Variants in GALNT13 observed in about 807,000 individuals in gnomAD.
GALNT13 encodes the protein polypeptide N-acetylgalactosaminyltransferase 13.
Under a neutral mutation model 64.2 loss-of-function variants are expected in GALNT13, and 28 were observed. The observed-to-expected ratio is 0.44, with a 90% confidence interval of 0.32 to 0.60. The LOEUF is 0.60. Among genes scored for constraint, GALNT13 ranks in the 20% least tolerant of loss-of-function variants. The pLI, the probability that GALNT13 is intolerant of heterozygous loss-of-function variation, is 0.05. For synonymous variants in GALNT13, 214 were observed against 224.6 expected (o/e 0.95, Z 0.42); for missense variants, 577 against 669.8 (o/e 0.86, Z 1.53).
chr2:153,534,452 T>C, the GALNT13 span, among the ~76,000 whole-genome samples: 9 of 151,994 alleles, frequency 5.9e-5, no homozygotes, highest in East Asian at 1.2e-3. Flanking sequence ...GAGCTGGAAT[T>C]GGGTACTTAC....
chr2:153,272,834 C>T, the GALNT13 span, among the ~76,000 whole-genome samples: 1 of 151,806 alleles, frequency 6.6e-6, no homozygotes, highest in East Asian at 1.9e-4. Context: ...TATTGCAGCA[C>T]TATTCACAAT....
intron 9 of GALNT13, among the ~76,000 whole-genome samples, chr2:154,333,671 A>G (rs902927363): frequency 6.6e-6 from 1 of 152,094 alleles, no homozygotes; most frequent in African/African-American, 2.4e-5. Flanking sequence ...GTTTATAAAA[A>G]TGGTGAAAAT....
the GALNT13 span, among the ~76,000 whole-genome samples, chr2:153,706,057 T>G: frequency 6.6e-6 from 1 of 152,008 alleles, no homozygotes; most frequent in South Asian, 2.1e-4. Flanking sequence ...AGTGCAGTGG[T>G]GCGATCTTGG....
chr2:153,834,388 GAT>G, the GALNT13 span, among the ~76,000 whole-genome samples: 8 of 152,146 alleles, frequency 5.3e-5, no homozygotes, highest in Non-Finnish European at 8.8e-5. Flanking sequence ...TAAAGACAAA[GAT>G]AAAAGCCAAA....
intron 3 of GALNT13, among the ~76,000 whole-genome samples, chr2:154,086,400 C>T (rs980432483): frequency 3.4e-5 from 5 of 147,540 alleles, no homozygotes; most frequent in African/African-American, 1.2e-4. Flanking sequence ...ATTATATTTA[C>T]ATTATGTAAA....
At chr2:153,242,846 G>A in the GALNT13 span, among the ~76,000 whole-genome samples, 1 of 152,152 alleles carries the variant, frequency 6.6e-6, no homozygotes, top group Non-Finnish European at 1.5e-5. Context: ...ACCCCATTCT[G>A]GGAAAAAATG....
At chr2:154,377,579 C>T (rs538532337) in intron 9 of GALNT13, among the ~76,000 whole-genome samples, 8 of 152,140 alleles carry the variant, frequency 5.3e-5, no homozygotes, top group African/African-American at 1.4e-4. Flanking sequence ...AATGAGACTT[C>T]GCTAAAGCCT....
At chr2:154,304,197 T>C (rs939044037) in intron 9 of GALNT13, among the ~76,000 whole-genome samples, 2 of 152,180 alleles carry the variant, frequency 1.3e-5, no homozygotes, top group African/African-American at 4.8e-5. Context: ...TTTTCACACG[T>C]TTTCAAGCCT....
At chr2:154,382,253 G>A (rs1156442075) in intron 9 of GALNT13, among the ~76,000 whole-genome samples, 3 of 152,036 alleles carry the variant, frequency 2.0e-5, no homozygotes, top group Non-Finnish European at 4.4e-5. Context: ...TAAAAAAGAA[G>A]AGAGGCATGT....
chr2:154,355,400 T>C (rs886493500), intron 9 of GALNT13, among the ~76,000 whole-genome samples: 1 of 152,142 alleles, frequency 6.6e-6, no homozygotes, highest in Non-Finnish European at 1.5e-5. Context: ...TCCTTGAATA[T>C]GCAAGATATG....
the GALNT13 span, among the ~76,000 whole-genome samples, chr2:153,609,863 A>G: frequency 1.3e-5 from 2 of 152,186 alleles, no homozygotes; most frequent in Non-Finnish European, 2.9e-5. Context: ...CTGTCTAGGC[A>G]TAAAACTGAG....
At chr2:153,640,557 T>C in the GALNT13 span, among the ~76,000 whole-genome samples, 1 of 151,992 alleles carries the variant, frequency 6.6e-6, no homozygotes, top group Non-Finnish European at 1.5e-5. Flanking sequence ...GGTGGGAGGA[T>C]CACTTAAATC....
At chr2:153,163,039 A>G in the GALNT13 span, among the ~76,000 whole-genome samples, 1 of 152,188 alleles carries the variant, frequency 6.6e-6, no homozygotes, top group East Asian at 1.9e-4. Context: ...ACATTTAAAA[A>G]CATTTAATCT....
chr2:153,710,146 C>T, the GALNT13 span, among the ~76,000 whole-genome samples: 1 of 152,096 alleles, frequency 6.6e-6, no homozygotes, highest in Non-Finnish European at 1.5e-5. Context: ...GTCACCACAA[C>T]AGATGATACG....
chr2:154,167,767 A>G (rs1685116597), intron 4 of GALNT13, among the ~76,000 whole-genome samples: 1 of 152,150 alleles, frequency 6.6e-6, no homozygotes. Flanking sequence ...GGTTGAGGAT[A>G]GAGTCCTGAT....
chr2:153,486,520 C>G, the GALNT13 span, among the ~76,000 whole-genome samples: 7 of 152,076 alleles, frequency 4.6e-5, no homozygotes, highest in Non-Finnish European at 8.8e-5. Flanking sequence ...CTTGTGTTAC[C>G]CAGTTGGCTG....
intron 7 of GALNT13, among the ~76,000 whole-genome samples, chr2:154,256,429 A>G (rs1261534354): frequency 6.6e-6 from 1 of 152,200 alleles, no homozygotes; most frequent in African/African-American, 2.4e-5. Flanking sequence ...CTAAGGAACC[A>G]TAATCACCAA....
At chr2:154,138,632 C>G (rs1558980136) in intron 3 of GALNT13, among the ~76,000 whole-genome samples, 5 of 150,148 alleles carry the variant, frequency 3.3e-5, no homozygotes, top group Admixed American at 3.3e-4. Flanking sequence ...CCCATGTCAC[C>G]TGTTTATGTT....
chr2:154,099,149 T>C (rs1021500802), intron 3 of GALNT13, among the ~76,000 whole-genome samples: 1 of 152,138 alleles, frequency 6.6e-6, no homozygotes, highest in African/African-American at 2.4e-5. Context: ...GTGGTTTTAA[T>C]TTGCATTTGT....
Sources: allele counts gnomAD v4.1 joint callset (sites outside exome capture counted in the v4.1 genomes callset), GRCh38; gene constraint gnomAD v4.1.1; transcripts MANE v1.5; gene names NCBI Gene and HGNC (gene_info 2026-07-23, HGNC 2026-07-21).